Variants in CFAP69 observed in about 807,000 individuals in gnomAD.
The protein encoded by CFAP69 is cilia and flagella associated protein 69, also known as cilia- and flagella-associated protein 69.
CFAP69 carries 92 observed loss-of-function variants against 123.0 expected under a neutral mutation model. The ratio of observed to expected loss-of-function variants is 0.75; its 90% confidence interval spans 0.63 to 0.89. The LOEUF is 0.89. CFAP69 is among the 40% of genes least tolerant of loss of function. The pLI is 0.00. For missense variants in CFAP69, 1,067 were observed against 1,096.9 expected (o/e 0.97, Z 0.39); for synonymous variants, 380 against 364.3 (o/e 1.04, Z -0.49).
chr7:90,246,249 C>G (rs985359396), intron 1 of CFAP69, among the ~76,000 whole-genome samples: 1 of 152,152 alleles, frequency 6.6e-6, no homozygotes, highest in African/African-American at 2.4e-5. Flanking sequence ...CTATTCGAGG[C>G]GGAGGTGTTT....
chr7:90,280,151 T>G (rs1399173261), intron 12 of CFAP69, among the ~76,000 whole-genome samples: 1 of 152,196 alleles, frequency 6.6e-6, no homozygotes, highest in Non-Finnish European at 1.5e-5. Context: ...ATTAGACCTA[T>G]CTAAAAATTA....
chr7:90,248,778 G>A lies in CFAP69; in HGVS notation c.120+3234G>A, dbSNP rs546570480. Among the ~76,000 whole-genome samples, 8 of 152,068 alleles carry A rather than the reference G, an allele frequency of 5.3e-5. No individual in the cohort carries two copies. The South Asian group carries it at 1.0e-3, about 20-fold the overall frequency. ...GTGATTATCATACTTTTCCAGTTTC[G>A]AAACAATAAAATAGTACCAGAATTT... is the stretch of plus-strand genomic sequence containing the variant. On this transcript the variant is annotated intron_variant, in intron 1 of 22. Transcript: ENST00000389297.
chr7:90,245,446 G>C lies in CFAP69; in HGVS notation c.22G>C (p.Ala8Pro). ...GGCCATGTGGACAGAGGAAGCCGGGGCGACCGCCGAGGCCCAGGAATCCGG... is the reference window on the plus strand; with the variant it reads ...GGCCATGTGGACAGAGGAAGCCGGGCCGACCGCCGAGGCCCAGGAATCCGG... Reference protein sequence around the residue: MWTEEAGATAEAQESGIR... With the variant: MWTEEAGPTAEAQESGIR... Residue 8 changes from alanine to proline, a missense_variant, in exon 1 of 23, where the codon GCG (alanine) becomes CCG (proline). By Grantham distance (27) the Ala-to-Pro change is conservative. Coordinates refer to ENST00000389297, the MANE Select transcript of CFAP69 (RefSeq NM_001039706.3). The C allele has an allele frequency of 6.4e-7, 1 of 1,559,646 alleles. No individual in the cohort carries two copies. Among genetic ancestry groups the C allele is most frequent in the Non-Finnish European group, 8.7e-7 (1 of 1,155,008 alleles).
intron 4 of CFAP69, among the ~76,000 whole-genome samples, chr7:90,264,592 A>C (rs939111812): frequency 3.3e-5 from 5 of 152,150 alleles, no homozygotes; most frequent in African/African-American, 1.2e-4. Flanking sequence ...GTTCCAGATT[A>C]TCCAATGTCG....
At chr7:90,271,437 CT>C in intron 6 of CFAP69, 88 bp from the exon 7 acceptor site, 2 of 1,359,420 alleles carry the variant, frequency 1.5e-6, no homozygotes, top group South Asian at 1.4e-5. Context: ...GTTTTTCTTG[CT>C]GTTGCTTAAT....
intron 1 of CFAP69, among the ~76,000 whole-genome samples, chr7:90,249,175 C>T (rs1796678488): frequency 6.6e-6 from 1 of 152,078 alleles, no homozygotes. Context: ...GGGGTGATTT[C>T]CCCCATGCTG....
chr7:90,272,630 G>A (rs1433814225), intron 8 of CFAP69, among the ~76,000 whole-genome samples: 3 of 152,074 alleles, frequency 2.0e-5, no homozygotes, highest in African/African-American at 7.2e-5. Context: ...TAACTACAAA[G>A]TCAAGGATAA....
At chr7:90,279,967 A>T (rs1454496208) in intron 12 of CFAP69, 74 bp downstream of exon 12, 22 of 1,106,868 alleles carry the variant, frequency 2.0e-5, no homozygotes, top group Non-Finnish European at 2.5e-5. Context: ...ATATGCATAG[A>T]AATAACAATG....
chr7:90,265,257 A>C, intron 4 of CFAP69, 44 bp from the exon 5 acceptor site: 2 of 1,244,630 alleles, frequency 1.6e-6, no homozygotes, highest in South Asian at 2.5e-5. Context: ...TCAATTAAAG[A>C]CTTTATTAAA....
chr7:90,304,642 G>GATA, intron 18 of CFAP69, 102 bp from the exon 19 acceptor site: 2 of 1,382,730 alleles, frequency 1.4e-6, no homozygotes, highest in Non-Finnish European at 9.3e-7. Flanking sequence ...TTTTTAGATA[G>GATA]GTAGATAGAT....
chr7:90,249,733 G>A (rs187521308), intron 1 of CFAP69, among the ~76,000 whole-genome samples: 2 of 152,072 alleles, frequency 1.3e-5, no homozygotes, highest in Admixed American at 1.3e-4. Flanking sequence ...GAGCACATGG[G>A]GATCTTATTA....
intron 18 of CFAP69, chr7:90,304,346 G>A: frequency 7.9e-7 from 1 of 1,263,310 alleles, no homozygotes; most frequent in South Asian, 2.4e-5. Context: ...TGTGCAGATA[G>A]GATTAAGGAC....
chr7:90,289,240 T>A lies in CFAP69; in HGVS notation c.1775+888T>A, dbSNP rs113960773. Among the ~76,000 whole-genome samples the A allele has an allele frequency of 5.9e-3, 894 of 152,140 alleles. 15 individuals are homozygous for A. Among genetic ancestry groups the A allele is most frequent in the African/African-American group, 0.02 (845 of 41,540 alleles). ...GCTTTAGGAGATAATACTAAAAAAT[T>A]TTCCAAAGTACTTACATCAATTACA... On this transcript the variant is annotated intron_variant, in intron 15 of 22. Coordinates refer to ENST00000389297, the MANE Select transcript of CFAP69 (RefSeq NM_001039706.3).
intron 2 of CFAP69, among the ~76,000 whole-genome samples, chr7:90,257,801 CTTTGCTATTG>C (rs1168006148): frequency 6.6e-6 from 1 of 152,080 alleles, no homozygotes; most frequent in Non-Finnish European, 1.5e-5. Flanking sequence ...GATTCTGTAT[CTTTGCTATTG>C]TGAGTAGTGC....
chr7:90,287,472 G>A (rs958659482), intron 14 of CFAP69: 10 of 985,190 alleles, frequency 1.0e-5, no homozygotes, highest in East Asian at 2.3e-4. Context: ...AATTTAGAAC[G>A]AGATCTTAAT....
chr7:90,311,500 G>T (rs1562935452), downstream of CFAP69, among the ~76,000 whole-genome samples: 1 of 152,290 alleles, frequency 6.6e-6, no homozygotes, highest in East Asian at 1.9e-4. Context: ...CCAACATGAT[G>T]CCATTGAATA....
At position 90,277,347 on chromosome 7, in the gene CFAP69, C is replaced by A. The variant is rs781385332; in HGVS notation, c.1155+13C>A. 2.7e-6 allele frequency: 4 copies of A among 1,473,102 alleles called. No individual in the cohort carries two copies. Among genetic ancestry groups the A allele is most frequent in the South Asian group, 3.0e-5 (2 of 67,254 alleles). The allele number at this position is 1,473,102 out of a possible 1,614,324, so 91.3% of individuals were successfully genotyped here. A position where few individuals can be genotyped will look rare whatever the true frequency, so the allele number is the denominator to read the frequency against. ...ACCTACTGTACAGGTAAAGAGTAAT[C>A]AAGGCAGGAAAATCAATAAAAATTG... is the stretch of plus-strand genomic sequence containing the variant. On this transcript the variant is annotated intron_variant, in intron 11 of 22. Coordinates refer to ENST00000389297, the MANE Select transcript of CFAP69 (RefSeq NM_001039706.3).
intron 17 of CFAP69, chr7:90,301,977 TG>T (rs2117365168): frequency 6.6e-6 from 1 of 152,206 alleles, no homozygotes; most frequent in African/African-American, 2.4e-5. Flanking sequence ...TCCACAACCT[TG>T]CCGGTATGTT....
chr7:90,318,110 G>A, the CFAP69 span: 2 of 152,104 alleles, frequency 1.3e-5, no homozygotes, highest in Non-Finnish European at 2.9e-5. Context: ...AGGCTTTTAC[G>A]ACATGCATTC....
Sources: allele counts gnomAD v4.1 joint callset (sites outside exome capture counted in the v4.1 genomes callset), GRCh38; gene constraint gnomAD v4.1.1; transcripts MANE v1.5; gene names NCBI Gene and HGNC (gene_info 2026-07-23, HGNC 2026-07-21).